Variants in PTPRD observed in about 807,000 individuals in gnomAD.
PTPRD encodes the protein protein tyrosine phosphatase receptor type D.
PTPRD carries 34 observed loss-of-function variants against 214.5 expected under a neutral mutation model. The observed-to-expected ratio is 0.16, with a 90% CI of 0.12 to 0.21. PTPRD has a LOEUF of 0.21. PTPRD is among the 10% of genes least tolerant of loss of function. The pLI, the probability that PTPRD is intolerant of heterozygous loss-of-function variation, is 1.00. For missense variants in PTPRD, 2,545 were observed against 2,398.7 expected, an observed-to-expected ratio of 1.06 and a Z score of -1.27; for synonymous variants, 1,128 against 845.7, an observed-to-expected ratio of 1.33 and a Z score of -5.79.
At chr9:8,642,600 G>GCCC (rs2096601358) in intron 12 of PTPRD, among the ~76,000 whole-genome samples, 2 of 152,154 alleles carry the variant, frequency 1.3e-5, no homozygotes, top group Non-Finnish European at 2.9e-5. Flanking sequence ...CTCTGAAGGA[G>GCCC]AGCTCAGGAA....
At chr9:9,620,241 C>T (rs547138915) in intron 7 of PTPRD, among the ~76,000 whole-genome samples, 17 of 152,222 alleles carry the variant, frequency 1.1e-4, no homozygotes, top group Middle Eastern at 3.4e-3. Context: ...GAAAAGTGCA[C>T]ACATTTCAGA....
At chr9:9,085,426 G>T (rs902723059) in intron 10 of PTPRD, among the ~76,000 whole-genome samples, 1 of 152,142 alleles carries the variant, frequency 6.6e-6, no homozygotes, top group African/African-American at 2.4e-5. Context: ...GCATATGTAA[G>T]CTTTGACGGG....
chr9:10,035,321 T>C (rs918822306), intron 3 of PTPRD, among the ~76,000 whole-genome samples: 3 of 152,136 alleles, frequency 2.0e-5, no homozygotes, highest in East Asian at 3.9e-4. Context: ...ATGTTCCTTA[T>C]ACATACTGGA....
intron 5 of PTPRD, among the ~76,000 whole-genome samples, chr9:9,821,138 T>C (rs1315961731): frequency 2.0e-5 from 3 of 152,270 alleles, no homozygotes; most frequent in African/African-American, 4.8e-5. Context: ...GTGTCATCTA[T>C]GTTTTCTGTT....
chr9:8,704,291 C>T (rs548286866), intron 12 of PTPRD, among the ~76,000 whole-genome samples: 16 of 152,178 alleles, frequency 1.1e-4, no homozygotes, highest in East Asian at 3.9e-4. Context: ...AAACTCCAGC[C>T]GAATTGGTTT....
chr9:9,935,364 A>G (rs2088802130), intron 5 of PTPRD, among the ~76,000 whole-genome samples: 1 of 152,180 alleles, frequency 6.6e-6, no homozygotes, highest in Admixed American at 6.5e-5. Context: ...TAAGCTGATA[A>G]GCGACTTCAG....
intron 14 of PTPRD, among the ~76,000 whole-genome samples, chr9:8,622,630 T>C (rs1397345734): frequency 6.6e-6 from 1 of 151,932 alleles, no homozygotes; most frequent in Non-Finnish European, 1.5e-5. Flanking sequence ...TTCCCAACAC[T>C]TAGCACACTT....
At chr9:10,554,975 T>C (rs1254439250) in intron 2 of PTPRD, among the ~76,000 whole-genome samples, 1 of 152,224 alleles carries the variant, frequency 6.6e-6, no homozygotes, top group African/African-American at 2.4e-5. Context: ...TTTCTAAAGA[T>C]CATGATGTCT....
chr9:10,196,113 A>G (rs1321027395), intron 3 of PTPRD, among the ~76,000 whole-genome samples: 1 of 152,182 alleles, frequency 6.6e-6, no homozygotes, highest in African/African-American at 2.4e-5. Flanking sequence ...ATATGAGACT[A>G]TATACACTTA....
At chr9:9,715,944 C>T (rs1343470281) in intron 7 of PTPRD, among the ~76,000 whole-genome samples, 1 of 152,132 alleles carries the variant, frequency 6.6e-6, no homozygotes, top group Admixed American at 6.6e-5. Context: ...TGCTGGTGCG[C>T]TGCACCCATT....
intron 14 of PTPRD, among the ~76,000 whole-genome samples, chr9:8,618,037 G>C (rs2095669751): frequency 6.6e-6 from 1 of 152,068 alleles, no homozygotes; most frequent in Admixed American, 6.6e-5. Context: ...TGTCAGAGTA[G>C]TGAAGAATTG....
chr9:10,019,476 A>T (rs982068256), intron 4 of PTPRD, among the ~76,000 whole-genome samples: 1 of 152,152 alleles, frequency 6.6e-6, no homozygotes, highest in African/African-American at 2.4e-5. Context: ...ACACATGCAC[A>T]CGTATGTTTA....
At chr9:9,137,077 G>T (rs2099852053) in intron 10 of PTPRD, among the ~76,000 whole-genome samples, 1 of 152,106 alleles carries the variant, frequency 6.6e-6, no homozygotes, top group Non-Finnish European at 1.5e-5. Context: ...GATTTCACTT[G>T]CTCAAGATGT....
intron 10 of PTPRD, among the ~76,000 whole-genome samples, chr9:9,041,765 T>C (rs528827027): frequency 1.8e-3 from 274 of 152,276 alleles, no homozygotes; most frequent in African/African-American, 6.3e-3. Flanking sequence ...ATGGAGTACA[T>C]AAATCTTAGA....
chr9:10,210,964 C>A (rs1307482829), intron 3 of PTPRD, among the ~76,000 whole-genome samples: 4 of 150,478 alleles, frequency 2.7e-5, no homozygotes, highest in Non-Finnish European at 5.9e-5. Context: ...CAATGGCAAA[C>A]AGATAAATGA....
chr9:9,497,258 G>A (rs952072896), intron 8 of PTPRD, among the ~76,000 whole-genome samples: 3 of 152,136 alleles, frequency 2.0e-5, no homozygotes, highest in South Asian at 2.1e-4. Flanking sequence ...TTTATGTCAC[G>A]TGTATTTTAC....
chr9:8,901,312 G>C (rs1028578155), intron 11 of PTPRD, among the ~76,000 whole-genome samples: 1 of 152,156 alleles, frequency 6.6e-6, no homozygotes, highest in Non-Finnish European at 1.5e-5. Flanking sequence ...TTCCAGAAGA[G>C]AAAGAAACAA....
At position 8,341,761 on chromosome 9, in the gene PTPRD, C is replaced by A. The variant is rs182825432; in HGVS notation, c.4879G>T (p.Ala1627Ser). ...NTEVPARNLY[A>S]YIQKLTQIET... ...ATTTGTGTCAGCTTCTGAATGTAGG[C>A]ATACAAGTTTCTAGCTGGCACTTCG... The change falls in exon 40 of 46, where the codon GCC becomes TCC. Residue 1627 changes from alanine (A) to serine (S), a missense_variant. Physicochemically the swap from Ala to Ser is moderately conservative, Grantham distance 99. Transcript: ENST00000381196. 7 of 1,613,586 alleles carry A rather than the reference C, an allele frequency of 4.3e-6. No homozygotes were observed. In the Admixed American group the frequency reaches 1.0e-4, roughly 23 times the overall value.
At chr9:9,861,107 T>C (rs2062658268) in intron 5 of PTPRD, among the ~76,000 whole-genome samples, 1 of 152,196 alleles carries the variant, frequency 6.6e-6, no homozygotes, top group African/African-American at 2.4e-5. Context: ...TTTGCTATTC[T>C]ACACTAGCAT....
Sources: allele counts gnomAD v4.1 joint callset (sites outside exome capture counted in the v4.1 genomes callset), GRCh38; gene constraint gnomAD v4.1.1; transcripts MANE v1.5; gene names NCBI Gene and HGNC (gene_info 2026-07-23, HGNC 2026-07-21).